NKAIN2: variants seen among roughly 807,000 people sequenced by gnomAD.
NKAIN2 encodes the protein sodium/potassium-transporting ATPase subunit beta-1-interacting protein 2.
Under a neutral mutation model 32.6 loss-of-function variants are expected in NKAIN2, and 14 were observed. That is an observed-to-expected ratio of 0.43 (90% CI 0.28 to 0.67). The LOEUF (loss-of-function observed/expected upper bound fraction) is 0.67. NKAIN2 is among the 30% of genes least tolerant of loss of function. NKAIN2 has a pLI of 0.17. For synonymous variants in NKAIN2, 80 were observed against 87.2 expected, an observed-to-expected ratio of 0.92 and a Z score of 0.46; for missense variants, 198 against 258.3, an observed-to-expected ratio of 0.77 and a Z score of 1.60.
At chr6:124,078,537 C>A (rs1347794078) in intron 1 of NKAIN2, among the ~76,000 whole-genome samples, 1 of 152,038 alleles carries the variant, frequency 6.6e-6, no homozygotes, top group East Asian at 1.9e-4. Flanking sequence ...TAATAAAGGG[C>A]AGAACAGAAT....
At chr6:124,057,377 G>A (rs1782704827) in intron 1 of NKAIN2, among the ~76,000 whole-genome samples, 2 of 152,036 alleles carry the variant, frequency 1.3e-5, no homozygotes, top group Admixed American at 6.6e-5. Context: ...TAAATCCGCA[G>A]CTTCAATTTG....
intron 1 of NKAIN2, among the ~76,000 whole-genome samples, chr6:123,950,809 T>G (rs1777291656): frequency 6.6e-6 from 1 of 152,036 alleles, no homozygotes; most frequent in Admixed American, 6.6e-5. Flanking sequence ...CTGATTTTTA[T>G]TATTCTTTTG....
At chr6:124,687,396 T>A (rs1173411503) in intron 4 of NKAIN2, among the ~76,000 whole-genome samples, 1 of 128,244 alleles carries the variant, frequency 7.8e-6, no homozygotes, top group African/African-American at 2.9e-5. Flanking sequence ...ATATTCCATG[T>A]ATGTGTATGT....
intron 3 of NKAIN2, among the ~76,000 whole-genome samples, chr6:124,475,899 G>A (rs957607149): frequency 6.6e-6 from 1 of 152,048 alleles, no homozygotes; most frequent in Non-Finnish European, 1.5e-5. Flanking sequence ...AACTTAAAGC[G>A]CTGATTTTTA....
intron 1 of NKAIN2, among the ~76,000 whole-genome samples, chr6:123,975,957 T>C (rs1778546865): frequency 6.6e-6 from 1 of 151,810 alleles, no homozygotes; most frequent in African/African-American, 2.4e-5. Flanking sequence ...TTGAATCATG[T>C]GGGGATCATG....
Position 124,078,782 on chromosome 6 carries a change from GTT to G in NKAIN2, c.55-204219_55-204218del, listed in dbSNP as rs1254571705. Among the ~76,000 whole-genome samples, 74 of 122,950 alleles carry G rather than the reference GTT, an allele frequency of 6.0e-4. 1 individual carries two copies. The highest frequency in any genetic ancestry group is 1.6e-3 in the African/African-American group (56 of 34,044). 80.7% of individuals were successfully genotyped at this position (122,950 alleles called of 152,430 possible). A position where few individuals can be genotyped will look rare whatever the true frequency, so the allele number is the denominator to read the frequency against. On this transcript the variant is annotated intron_variant, in intron 1 of 6. Transcript: ENST00000368417. The stretch of plus-strand genomic sequence containing the variant: ...TGAACAAGCCAAAAATGGCTATGTC[GTT>G]TTTGTGTGTGTGTGTGTGTGTGTGT...
intron 1 of NKAIN2, among the ~76,000 whole-genome samples, chr6:123,948,160 A>G (rs1010991886): frequency 6.6e-6 from 1 of 151,934 alleles, no homozygotes; most frequent in Non-Finnish European, 1.5e-5. Context: ...TTCTTTATCC[A>G]TTTGTCTATT....
chr6:124,209,278 ATGT>A (rs1416599919), intron 1 of NKAIN2, among the ~76,000 whole-genome samples: 3 of 151,766 alleles, frequency 2.0e-5, no homozygotes, highest in Non-Finnish European at 4.4e-5. Flanking sequence ...AGTTCCATCC[ATGT>A]TGTTGCAAAT....
At chr6:124,397,043 G>A (rs1396150671) in intron 3 of NKAIN2, among the ~76,000 whole-genome samples, 3 of 152,060 alleles carry the variant, frequency 2.0e-5, no homozygotes, top group Non-Finnish European at 2.9e-5. Context: ...ATTAACAGTA[G>A]TGGTTGATAC....
At chr6:124,541,008 T>C (rs1402055520) in intron 3 of NKAIN2, among the ~76,000 whole-genome samples, 1 of 152,172 alleles carries the variant, frequency 6.6e-6, no homozygotes, top group African/African-American at 2.4e-5. Context: ...GAGGAGCATC[T>C]GTATATGCCA....
chr6:124,659,091 A>G (rs985212588), intron 4 of NKAIN2: 1 of 152,184 alleles, frequency 6.6e-6, no homozygotes, highest in Admixed American at 6.6e-5. Context: ...ATAAATTAAA[A>G]CACCTCTTTC....
chr6:124,714,512 C>T (rs189606644), intron 4 of NKAIN2, among the ~76,000 whole-genome samples: 11 of 152,256 alleles, frequency 7.2e-5, no homozygotes, highest in Admixed American at 7.2e-4. Flanking sequence ...ATTCTTGGGC[C>T]TTCTCCACAC....
intron 4 of NKAIN2, among the ~76,000 whole-genome samples, chr6:124,702,523 T>C (rs749236469): frequency 5.9e-5 from 9 of 152,026 alleles, no homozygotes; most frequent in Non-Finnish European, 8.8e-5. Flanking sequence ...TACATTACAG[T>C]GTTTAAGTAA....
chr6:124,792,726 T>A (rs1779802100), intron 5 of NKAIN2, among the ~76,000 whole-genome samples: 1 of 152,076 alleles, frequency 6.6e-6, no homozygotes, highest in Non-Finnish European at 1.5e-5. Flanking sequence ...GATATGGAAG[T>A]GAGGGGTGGT....
chr6:124,703,921 A>G (rs1774923222), intron 4 of NKAIN2, among the ~76,000 whole-genome samples: 1 of 152,012 alleles, frequency 6.6e-6, no homozygotes, highest in Admixed American at 6.6e-5. Context: ...TTTTTCATGT[A>G]TATCTGCCAT....
intron 3 of NKAIN2, among the ~76,000 whole-genome samples, chr6:124,426,078 CT>C (rs148883370): frequency 4.1e-4 from 63 of 152,256 alleles, no homozygotes; most frequent in African/African-American, 1.5e-3. Flanking sequence ...CTCCTTAATA[CT>C]GTCTTCTCCC....
intron 3 of NKAIN2, among the ~76,000 whole-genome samples, chr6:124,402,998 G>A (rs982386128): frequency 6.6e-6 from 1 of 152,088 alleles, no homozygotes; most frequent in Non-Finnish European, 1.5e-5. Flanking sequence ...ACTCTTCTTG[G>A]TCCTTGCATT....
At chr6:124,088,334 T>C (rs780176451) in intron 1 of NKAIN2, among the ~76,000 whole-genome samples, 1 of 151,924 alleles carries the variant, frequency 6.6e-6, no homozygotes. Context: ...GACAAAAGGA[T>C]AATTTGAGCC....
At chr6:124,418,561 AATAT>A (rs1026567368) in intron 3 of NKAIN2, among the ~76,000 whole-genome samples, 4 of 138,668 alleles carry the variant, frequency 2.9e-5, no homozygotes, top group African/African-American at 1.2e-4. Context: ...ATATATATAA[AATAT>A]ATATATAATA....
Sources: gnomAD v4.1 joint callset for allele counts (sites outside exome capture counted in the v4.1 genomes callset) on GRCh38, gnomAD v4.1.1 for gene constraint, MANE v1.5 for transcripts, NCBI Gene and HGNC (gene_info 2026-07-23, HGNC 2026-07-21) for gene names.